Variants in GCLC observed in about 807,000 individuals in gnomAD.
GCLC encodes the protein glutamate-cysteine ligase catalytic subunit.
A neutral mutation model predicts 81.5 loss-of-function variants in GCLC; 30 were observed. The ratio of observed to expected loss-of-function variants is 0.37; its 90% CI spans 0.28 to 0.50. The LOEUF (loss-of-function observed/expected upper bound fraction) is 0.50, where lower values mean the gene tolerates loss of function less well. Ranked by LOEUF, GCLC falls within the 20% of genes least tolerant of loss-of-function variation. The probability of loss-of-function intolerance (pLI) is 0.96; values close to 1 mark genes in which losing one functional copy is unlikely to be tolerated. For missense variants in GCLC, 556 were observed against 777.4 expected, an observed-to-expected ratio of 0.72 and a Z score of 3.39; for synonymous variants, 262 against 273.3, an observed-to-expected ratio of 0.96 and a Z score of 0.41.
chr6:53,525,192 C>T (rs1231559814), intron 1 of GCLC, among the ~76,000 whole-genome samples: 2 of 152,142 alleles, frequency 1.3e-5, no homozygotes, highest in Non-Finnish European at 2.9e-5. Context: ...CTGCAGTCAC[C>T]TTGAACTTTC....
chr6:53,529,636 C>T (rs17879712), intron 1 of GCLC, among the ~76,000 whole-genome samples: 5,490 of 152,310 alleles, frequency 0.036, 169 homozygotes, highest in Middle Eastern at 0.085. Context: ...ATCTGTACTT[C>T]AGTACAATAG....
chr6:53,536,624 C>T (rs1445614958), intron 1 of GCLC, among the ~76,000 whole-genome samples: 1 of 152,072 alleles, frequency 6.6e-6, no homozygotes, highest in Non-Finnish European at 1.5e-5. Context: ...TATTCAGATG[C>T]CTTGACAGTA....
In GCLC at chr6:53,505,823, C is replaced by T; in HGVS notation, c.1270G>A (p.Val424Ile). The T allele has an allele frequency of 6.2e-7, 1 of 1,606,358 alleles. No homozygotes were observed. The highest frequency in any genetic ancestry group is 8.5e-7 in the Non-Finnish European group (1 of 1,172,882). Residue 424 changes from valine to isoleucine, a missense_variant, in exon 11 of 16, where the codon GTA becomes ATA. Physicochemically the swap from Val to Ile is conservative, Grantham distance 29. Transcript: ENST00000650454. ...PPPNSDIGWRVEFRPMEVQLT... is the reference protein window; with the variant it reads ...PPPNSDIGWRIEFRPMEVQLT... ...CTTACCTCCATGGGTCGAAATTCTA[C>T]TCTCCATCCAATGTCTGAGTTTGGA...
At chr6:53,507,424 G>A in intron 9 of GCLC, 56 bp downstream of exon 9, 1 of 1,592,220 alleles carries the variant, frequency 6.3e-7, no homozygotes, top group Non-Finnish European at 8.6e-7. Flanking sequence ...GTGTAAAAGA[G>A]CTTTGAAGAA....
Position 53,498,844 on chromosome 6 carries a change from G to A in GCLC, c.1826C>T (p.Ala609Val). The change falls in exon 16 of 16, where the codon GCA becomes GTA. Residue 609 changes from alanine to valine, a missense_variant. Ala to Val is a moderately conservative substitution (Grantham distance 64). Transcript: ENST00000650454. ...CTCTGGGCATTCACATAATTCATTTGCAATTTGGTTACACTTCAAAATAAG... is the reference window on the plus strand; with the variant it reads ...CTCTGGGCATTCACATAATTCATTTACAATTTGGTTACACTTCAAAATAAG... Reference protein sequence around the residue: ...YSLILKCNQIANELCECPELL... With the variant: ...YSLILKCNQIVNELCECPELL... 6.2e-7 allele frequency: 1 copy of A among 1,612,692 alleles called. No homozygotes were observed. The highest frequency in any genetic ancestry group is 8.5e-7 in the Non-Finnish European group (1 of 1,178,740).
chr6:53,526,271 C>A (rs1173476418), intron 1 of GCLC, among the ~76,000 whole-genome samples: 1 of 152,006 alleles, frequency 6.6e-6, no homozygotes, highest in African/African-American at 2.4e-5. Context: ...TGAAATTAGG[C>A]CAACAAAAAC....
At chr6:53,543,934 C>A (rs982660289) in intron 1 of GCLC, among the ~76,000 whole-genome samples, 4 of 152,020 alleles carry the variant, frequency 2.6e-5, no homozygotes, top group Admixed American at 2.6e-4. Context: ...GAAACTGAGC[C>A]GTAATTTACT....
chr6:53,500,228 T>C lies in GCLC; in HGVS notation c.1581+19A>G, dbSNP rs766033696. On this transcript the variant is annotated intron_variant, in intron 14 of 15. Coordinates refer to ENST00000650454, the MANE Select transcript of GCLC (RefSeq NM_001498.4). The stretch of plus-strand genomic sequence containing the variant: ...GGGATGTGCACAGTGAGGGGTACTG[T>C]ACAGGGCCACCCTCCTACCTTCCCA... 8.7e-6 allele frequency: 14 copies of C among 1,613,156 alleles called. No homozygotes were observed. The highest frequency in any genetic ancestry group is 1.3e-5 in the African/African-American group (1 of 74,878).
intron 1 of GCLC, among the ~76,000 whole-genome samples, chr6:53,533,621 TAC>T (rs1419788739): frequency 3.3e-5 from 5 of 152,294 alleles, no homozygotes; most frequent in Admixed American, 6.5e-5. Flanking sequence ...TTTCATAAGT[TAC>T]AGAGTATTAA....
At chr6:53,509,386 G>A (rs1764690159) in intron 6 of GCLC, 136 bp from the exon 7 acceptor site, 2 of 697,856 alleles carry the variant, frequency 2.9e-6, no homozygotes, top group Admixed American at 4.1e-5. Flanking sequence ...TTTAACGCAA[G>A]AGTTTTGTTT....
intron 1 of GCLC, among the ~76,000 whole-genome samples, chr6:53,541,683 T>G (rs1763358870): frequency 6.6e-6 from 1 of 152,136 alleles, no homozygotes; most frequent in Non-Finnish European, 1.5e-5. Flanking sequence ...GGATAGATCA[T>G]AAAACAGTAA....
rs199934217 is a variant in GCLC, at chr6:53,500,329, C to T, written c.1499G>A (p.Gly500Asp). The change falls in exon 14 of 16, where the codon GGT becomes GAT. Residue 500 changes from glycine (G) to aspartate (D), a missense_variant. Gly to Asp is a moderately conservative substitution (Grantham distance 94). Transcript: ENST00000650454. ...CGTGCTGTTCTGGGCCTTGCCACAA[C>T]CATCCACCACTGCATTGCCACCTGC... is the stretch of plus-strand genomic sequence containing the variant. ...ICKGGNAVVDGCGKAQNSTEL... is the reference protein window; with the variant it reads ...ICKGGNAVVDDCGKAQNSTEL... The T allele has an allele frequency of 9.2e-5, 148 of 1,614,082 alleles. No homozygotes were observed. The highest frequency in any genetic ancestry group is 6.6e-4 in the Middle Eastern group (4 of 6,084).
intron 1 of GCLC, among the ~76,000 whole-genome samples, chr6:53,541,048 C>A (rs11752775): frequency 2.6e-5 from 4 of 152,086 alleles, no homozygotes; most frequent in Non-Finnish European, 4.4e-5. Flanking sequence ...AACCCCGATT[C>A]TACTAAAAAT....
Position 53,498,979 on chromosome 6 carries a change from G to A in GCLC, c.1703-12C>T, listed in dbSNP as rs776491757. ...TGTCATTAGTTCTCCTGTGGGCGAG[G>A]GGGGAGCGAAAAAAAAATTAAAACC... On this transcript the variant is annotated splice_polypyrimidine_tract_variant and intron_variant, in intron 15 of 15. Coordinates refer to ENST00000650454, the MANE Select transcript of GCLC (RefSeq NM_001498.4). The A allele has an allele frequency of 7.6e-6, 12 of 1,584,396 alleles. No homozygotes were observed. Among genetic ancestry groups the A allele is most frequent in the South Asian group, 2.2e-5 (2 of 89,700 alleles).
chr6:53,526,981 G>A (rs1418900139), intron 1 of GCLC, among the ~76,000 whole-genome samples: 3 of 152,160 alleles, frequency 2.0e-5, no homozygotes. Context: ...CAGTTTCTCT[G>A]TAAATGAGAA....
intron 4 of GCLC, among the ~76,000 whole-genome samples, chr6:53,515,438 A>G (rs887139995): frequency 6.6e-6 from 1 of 152,244 alleles, no homozygotes; most frequent in African/African-American, 2.4e-5. Context: ...AACTACGTCT[A>G]CAAATATCTG....
At chr6:53,520,286 C>T (rs13212365) in intron 3 of GCLC, among the ~76,000 whole-genome samples, 64,905 of 152,090 alleles carry the variant, frequency 0.43, 14,134 homozygotes, top group Admixed American at 0.53. Context: ...CATAGAGCAT[C>T]GGTATCGATA....
intron 3 of GCLC, among the ~76,000 whole-genome samples, chr6:53,516,963 T>C (rs1194334153): frequency 6.6e-6 from 1 of 151,992 alleles, no homozygotes; most frequent in Non-Finnish European, 1.5e-5. Context: ...CAATATTACA[T>C]GTGCTGTGAG....
At chr6:53,538,903 T>C (rs1400703037) in intron 1 of GCLC, among the ~76,000 whole-genome samples, 2 of 152,194 alleles carry the variant, frequency 1.3e-5, no homozygotes, top group African/African-American at 4.8e-5. Context: ...TTGAAATCTG[T>C]AAAAAGAAAT....
Sources: allele counts gnomAD v4.1 joint callset (sites outside exome capture counted in the v4.1 genomes callset), GRCh38; gene constraint gnomAD v4.1.1; transcripts MANE v1.5; gene names NCBI Gene and HGNC (gene_info 2026-07-23, HGNC 2026-07-21).